The following CCDC122 variants were observed in gnomAD, a reference collection of about 807,000 sequenced individuals.
CCDC122 encodes the protein coiled-coil domain-containing protein 122.
CCDC122 carries 38 observed loss-of-function variants against 37.0 expected under a neutral mutation model. That is an observed-to-expected ratio of 1.03 (90% CI 0.79 to 1.35). The LOEUF (loss-of-function observed/expected upper bound fraction) is 1.35. Among genes scored for constraint, CCDC122 ranks in the 40% most tolerant of loss-of-function variants. The probability of loss-of-function intolerance (pLI) is 0.00; values close to 1 mark genes in which losing one functional copy is unlikely to be tolerated. For missense variants in CCDC122, 305 were observed against 310.0 expected (o/e 0.98, Z 0.12); for synonymous variants, 83 against 95.6 (o/e 0.87, Z 0.77).
At chr13:43,852,009 G>T (rs761696671) in intron 6 of CCDC122, among the ~76,000 whole-genome samples, 1 of 151,746 alleles carries the variant, frequency 6.6e-6, no homozygotes, top group Non-Finnish European at 1.5e-5. Context: ...CCATAAAGAT[G>T]AGGAGCATAA....
At chr13:43,855,418 A>G (rs1819596) in intron 6 of CCDC122, 76,618 of 151,186 alleles carry the variant, frequency 0.51, 19,813 homozygotes, top group African/African-American at 0.6. Context: ...GCCAACCAGG[A>G]AGGTAAAAGA....
At position 43,838,454 on chromosome 13, in the gene CCDC122, G is replaced by A. The variant is rs561993667; in HGVS notation, c.673-1025C>T. On this transcript the variant is annotated intron_variant, in intron 6 of 6. Transcript: ENST00000444614. ...AGTGGAAAGTGCTTCATTGGTCTTC[G>A]TGTCGGGCCACAAGAACACCCAATC... 2.6e-5 allele frequency among the ~76,000 whole-genome samples: 4 copies of A among 152,174 alleles called. No individual in the cohort carries two copies. The East Asian group carries it at 7.7e-4, about 29-fold the overall frequency.
chr13:43,863,173 A>G (rs1172157376), intron 4 of CCDC122, among the ~76,000 whole-genome samples: 1 of 152,154 alleles, frequency 6.6e-6, no homozygotes, highest in Non-Finnish European at 1.5e-5. Context: ...CTGTAAATTC[A>G]TTCCTCCCTT....
rs117451272 is a variant in CCDC122 at position 43,826,483 on chromosome 13, C to T, written n.602-2472G>A. Among the ~76,000 whole-genome samples the T allele has an allele frequency of 6.5e-3, 989 of 152,172 alleles. 37 individuals are homozygous for T. The South Asian group carries it at 0.098, about 15-fold the overall frequency. ...CTCAAATATCCCTGGTTAAAGCAGC[C>T]ATAATTGTGCTAAACTGTATTTGAT... On this transcript the variant is annotated intron_variant and non_coding_transcript_variant, in intron 3 of 3. Coordinates refer to the CCDC122 transcript ENST00000470137.
chr13:43,878,414 T>C (rs1030265135), intron 1 of CCDC122, among the ~76,000 whole-genome samples: 72 of 152,338 alleles, frequency 4.7e-4, no homozygotes, highest in African/African-American at 1.7e-3. Flanking sequence ...GCTAGGGTTA[T>C]TGAAGGGTGG....
At chr13:43,828,401 C>G (rs1953059137) in intron 3 of CCDC122, among the ~76,000 whole-genome samples, 1 of 152,172 alleles carries the variant, frequency 6.6e-6, no homozygotes. Context: ...TGCTTTGCAG[C>G]CACATCAAAT....
chr13:43,853,224 T>A (rs1368049946), intron 6 of CCDC122, among the ~76,000 whole-genome samples: 1 of 152,172 alleles, frequency 6.6e-6, no homozygotes, highest in Admixed American at 6.5e-5. Flanking sequence ...CCCATTGGTA[T>A]GCTGTCTTCA....
chr13:43,877,034 C>T (rs1231063916), intron 1 of CCDC122, among the ~76,000 whole-genome samples: 1 of 152,060 alleles, frequency 6.6e-6, no homozygotes, highest in Non-Finnish European at 1.5e-5. Context: ...TCACTTGAAC[C>T]CTGTGGAGGC....
chr13:43,847,376 A>T (rs112141598), intron 6 of CCDC122, among the ~76,000 whole-genome samples: 8 of 152,346 alleles, frequency 5.3e-5, no homozygotes, highest in African/African-American at 1.9e-4. Flanking sequence ...AAAAGGAACT[A>T]CAGCCTTTCT....
In CCDC122 at chr13:43,859,742, A is replaced by T; in HGVS notation, c.485T>A (p.Leu162Ter). The T allele has an allele frequency of 6.3e-7, 1 of 1,598,058 alleles. No homozygotes were observed. The highest frequency in any genetic ancestry group is 1.4e-5 in the African/African-American group (1 of 73,946). ...CATAAGTTCTTCTTTCATTGTCTTTAATTTTTTAACAAAATCTCGCTTTTC... is the reference window on the plus strand; with the variant it reads ...CATAAGTTCTTCTTTCATTGTCTTTTATTTTTTAACAAAATCTCGCTTTTC... Reference protein sequence around the residue: ...LHEKRDFVKKLKTMKEELMQD... With the variant: ...LHEKRDFVKK The change falls in exon 5 of 7, where the codon TTA (leucine) becomes TAA (stop). Residue 162 changes from leucine to a stop codon, truncating the protein, a stop_gained. Transcript: ENST00000444614. LOFTEE classifies it high-confidence loss of function.
intron 6 of CCDC122, among the ~76,000 whole-genome samples, chr13:43,849,976 C>A (rs1477014224): frequency 6.6e-6 from 1 of 152,196 alleles, no homozygotes; most frequent in African/African-American, 2.4e-5. Context: ...TTCCTCTCCT[C>A]CCTGATGTAA....
chr13:43,826,507 A>G (rs1268158354), intron 3 of CCDC122, among the ~76,000 whole-genome samples: 1 of 152,112 alleles, frequency 6.6e-6, no homozygotes, highest in Admixed American at 6.5e-5. Flanking sequence ...ACTGTATTTG[A>G]TAATTAAAGC....
downstream of CCDC122, among the ~76,000 whole-genome samples, chr13:43,835,416 A>T (rs141775248): frequency 0.016 from 2,382 of 152,242 alleles, 64 homozygotes; most frequent in African/African-American, 0.053. Context: ...CATGTGTAAC[A>T]AACCTGCACA....
chr13:43,822,687 C>T (rs1264589706), downstream of CCDC122, among the ~76,000 whole-genome samples: 1 of 152,212 alleles, frequency 6.6e-6, no homozygotes, highest in African/African-American at 2.4e-5. Context: ...CCCTCCTTTT[C>T]ACAGAGAGAG....
At chr13:43,854,686 G>C (rs531747565) in intron 6 of CCDC122, 1 of 152,158 alleles carries the variant, frequency 6.6e-6, no homozygotes, top group Non-Finnish European at 1.5e-5. Flanking sequence ...GGAAACTTCA[G>C]GTCAATATCC....
At chr13:43,879,590 C>T (rs920500490) in intron 1 of CCDC122, 41 bp downstream of exon 1, 30 of 152,234 alleles carry the variant, frequency 2.0e-4, no homozygotes, top group African/African-American at 7.0e-4. Context: ...GCGCTGGGCC[C>T]GCCGCGTTCG....
At position 43,837,302 on chromosome 13, in the gene CCDC122, TTTC is replaced by T; in HGVS notation, c.797_799del (p.Arg266del). 1 of 1,614,012 alleles carries T rather than the reference TTTC, an allele frequency of 6.2e-7. No individual in the cohort carries two copies. Among genetic ancestry groups the T allele is most frequent in the Non-Finnish European group, 8.5e-7 (1 of 1,179,986 alleles). On this transcript the variant is annotated inframe_deletion, in exon 7 of 7. Coordinates refer to ENST00000444614, the MANE Select transcript of CCDC122 (RefSeq NM_144974.5). ...ATGTTACTCTTGCATTCCAATGCATTTTCTTAATTCGGCTGCAGTTTTTTCCAA... is the reference window on the plus strand; with the variant it reads ...ATGTTACTCTTGCATTCCAATGCATTTTAATTCGGCTGCAGTTTTTTCCAA...
At position 43,868,154 on chromosome 13, in the gene CCDC122, G is replaced by A. The variant is rs147099654; in HGVS notation, c.156+540C>T. Among the ~76,000 whole-genome samples the A allele has an allele frequency of 4.7e-3, 715 of 152,168 alleles. 4 individuals are homozygous for A. Among genetic ancestry groups the A allele is most frequent in the African/African-American group, 0.015 (621 of 41,546 alleles). The stretch of plus-strand genomic sequence containing the variant: ...TTCTATGATATATTTAATAACAATC[G>A]TTACAGAGCACAAGATACTGTTTTC... On this transcript the variant is annotated intron_variant, in intron 4 of 6. Coordinates refer to ENST00000444614, the MANE Select transcript of CCDC122 (RefSeq NM_144974.5).
intron 2 of CCDC122, among the ~76,000 whole-genome samples, chr13:43,872,199 T>C (rs1954474115): frequency 6.6e-6 from 1 of 151,986 alleles, no homozygotes; most frequent in African/African-American, 2.4e-5. Context: ...CATCGACTCT[T>C]GTATCTTTAC....
Sources: allele counts gnomAD v4.1 joint callset (sites outside exome capture counted in the v4.1 genomes callset), GRCh38; gene constraint gnomAD v4.1.1; transcripts MANE v1.5; gene names NCBI Gene and HGNC (gene_info 2026-07-23, HGNC 2026-07-21).